ANO3: variants seen among roughly 807,000 people sequenced by gnomAD.
ANO3 encodes the protein anoctamin-3.
Under a neutral mutation model 144.8 loss-of-function variants are expected in ANO3, and 99 were observed. That is an observed-to-expected ratio of 0.68 (90% CI 0.58 to 0.81). The LOEUF is 0.81. Ranked by LOEUF, ANO3 falls within the 30% of genes least tolerant of loss-of-function variation. The probability of loss-of-function intolerance (pLI) is 0.00; values close to 1 mark genes in which losing one functional copy is unlikely to be tolerated. For missense variants in ANO3, 905 were observed against 1,202.2 expected (o/e 0.75, Z 3.66); for synonymous variants, 414 against 392.6 (o/e 1.05, Z -0.64).
intron 8 of ANO3, among the ~76,000 whole-genome samples, chr11:26,531,713 T>C (rs1849375554): frequency 6.6e-6 from 1 of 152,082 alleles, no homozygotes; most frequent in African/African-American, 2.4e-5. Flanking sequence ...TAAATTATAA[T>C]TATAATTGCT....
chr11:26,627,798 T>G (rs1237147757), intron 18 of ANO3, among the ~76,000 whole-genome samples: 2 of 146,700 alleles, frequency 1.4e-5, no homozygotes, highest in African/African-American at 5.1e-5. Context: ...ATAGTTTGAT[T>G]AAAATAATAG....
intron 14 of ANO3, chr11:26,563,113 TA>T (rs766772885): frequency 4.2e-5 from 68 of 1,611,076 alleles, no homozygotes; most frequent in Non-Finnish European, 5.1e-5. Flanking sequence ...AAATAGATTT[TA>T]CCTGGTTCAT....
At chr11:26,448,523 T>C (rs1858795194) in intron 3 of ANO3, among the ~76,000 whole-genome samples, 1 of 152,218 alleles carries the variant, frequency 6.6e-6, no homozygotes, top group South Asian at 2.1e-4. Context: ...CATTGGTCTA[T>C]TTCTTTAAAT....
At chr11:26,637,562 A>G (rs1375026993) in intron 20 of ANO3, among the ~76,000 whole-genome samples, 1 of 152,184 alleles carries the variant, frequency 6.6e-6, no homozygotes, top group African/African-American at 2.4e-5. Flanking sequence ...TAGCTTAATA[A>G]TTACTCTGCC....
chr11:26,239,037 ATAATT>A (rs67693534), intron 1 of ANO3, among the ~76,000 whole-genome samples: 32,711 of 148,970 alleles, frequency 0.22, 4,280 homozygotes, highest in South Asian at 0.29. Context: ...AAATATAAAT[ATAATT>A]TAATATTTAT....
At chr11:26,519,762 A>G (rs1861996251) in intron 6 of ANO3, among the ~76,000 whole-genome samples, 1 of 152,188 alleles carries the variant, frequency 6.6e-6, no homozygotes. Context: ...TTCGGGAAAC[A>G]CAACTGCTTT....
chr11:26,602,743 C>T (rs922406954), intron 17 of ANO3, among the ~76,000 whole-genome samples: 4 of 65,790 alleles, frequency 6.1e-5, no homozygotes, highest in African/African-American at 1.6e-4. Flanking sequence ...AACATGAGAC[C>T]AAGTCTCAAA....
At chr11:26,395,986 T>C (rs1447130093) in intron 1 of ANO3, among the ~76,000 whole-genome samples, 4 of 152,150 alleles carry the variant, frequency 2.6e-5, no homozygotes, top group African/African-American at 9.7e-5. Context: ...CAAAAGAAGC[T>C]ATCATCAGAA....
intron 23 of ANO3, among the ~76,000 whole-genome samples, chr11:26,643,894 C>A (rs1006842967): frequency 3.9e-5 from 6 of 152,150 alleles, no homozygotes; most frequent in African/African-American, 1.4e-4. Context: ...GAGGACACAG[C>A]GTTTGTCCCC....
At chr11:26,496,059 A>G (rs751243656) in intron 4 of ANO3, among the ~76,000 whole-genome samples, 1 of 152,192 alleles carries the variant, frequency 6.6e-6, no homozygotes, top group Non-Finnish European at 1.5e-5. Context: ...GACCAAGGTA[A>G]TGAATATTCT....
At chr11:26,589,802 G>A (rs59744235) in intron 14 of ANO3, among the ~76,000 whole-genome samples, 3,594 of 152,270 alleles carry the variant, frequency 0.024, 146 homozygotes, top group African/African-American at 0.083. Flanking sequence ...GTAAACATCC[G>A]TGCATCATTC....
At chr11:26,644,095 T>C (rs1202490413) in intron 23 of ANO3, among the ~76,000 whole-genome samples, 1 of 152,216 alleles carries the variant, frequency 6.6e-6, no homozygotes, top group Non-Finnish European at 1.5e-5. Context: ...CAACATAAGC[T>C]GGTCCTACTT....
intron 1 of ANO3, among the ~76,000 whole-genome samples, chr11:26,381,107 A>G (rs1856579576): frequency 6.6e-6 from 1 of 152,194 alleles, no homozygotes; most frequent in African/African-American, 2.4e-5. Context: ...CTCTAAAGGT[A>G]ACCTGAGATT....
intron 1 of ANO3, among the ~76,000 whole-genome samples, chr11:26,326,962 T>C (rs563942254): frequency 6.6e-6 from 1 of 152,354 alleles, no homozygotes; most frequent in African/African-American, 2.4e-5. Context: ...TACATTCTTA[T>C]GTTGTCAAAC....
At chr11:26,333,029 G>C (rs1255495499) in intron 1 of ANO3, among the ~76,000 whole-genome samples, 3 of 152,088 alleles carry the variant, frequency 2.0e-5, no homozygotes, top group African/African-American at 7.2e-5. Flanking sequence ...TTTTTACAGA[G>C]CATTTTTATT....
At chr11:26,374,843 G>C (rs1166085670) in intron 1 of ANO3, among the ~76,000 whole-genome samples, 3 of 152,162 alleles carry the variant, frequency 2.0e-5, no homozygotes, top group African/African-American at 7.2e-5. Flanking sequence ...TTCCAGGCTA[G>C]AGCAATTCTC....
At chr11:26,433,973 A>C (rs903121076) in intron 1 of ANO3, among the ~76,000 whole-genome samples, 2 of 152,184 alleles carry the variant, frequency 1.3e-5, no homozygotes, top group African/African-American at 4.8e-5. Context: ...TAGGAATGCT[A>C]TCAGCTCTTC....
At chr11:26,208,118 A>T (rs1851849337) in intron 1 of ANO3, 1 of 152,172 alleles carries the variant, frequency 6.6e-6, no homozygotes, top group South Asian at 2.1e-4. Context: ...CTATAAAAGC[A>T]ATTAGTCTAT....
intron 12 of ANO3, among the ~76,000 whole-genome samples, chr11:26,549,253 G>C (rs1849867875): frequency 6.6e-6 from 1 of 151,930 alleles, no homozygotes; most frequent in Non-Finnish European, 1.5e-5. Flanking sequence ...CTTTTCTTCA[G>C]TGTTGTATGG....
Sources: gnomAD v4.1 joint callset for allele counts (sites outside exome capture counted in the v4.1 genomes callset) on GRCh38, gnomAD v4.1.1 for gene constraint, MANE v1.5 for transcripts, NCBI Gene and HGNC (gene_info 2026-07-23, HGNC 2026-07-21) for gene names.